MS4A4A: variants seen among roughly 807,000 people sequenced by gnomAD.
The protein encoded by MS4A4A is membrane-spanning 4-domains subfamily A member 4A.
In MS4A4A, 26 loss-of-function variants were observed where a neutral mutation model predicts 28.0. The observed-to-expected ratio is 0.93, with a 90% CI of 0.68 to 1.29. The LOEUF (loss-of-function observed/expected upper bound fraction) is 1.29, where lower values mean the gene tolerates loss of function less well. Ranked by LOEUF, MS4A4A falls within the 50% of genes most tolerant of loss-of-function variation. MS4A4A has a pLI of 0.00. For synonymous variants in MS4A4A, 86 were observed against 100.8 expected (o/e 0.85, Z 0.88); for missense variants, 290 against 293.1 (o/e 0.99, Z 0.08).
In MS4A4A at chr11:60,280,721, G is replaced by A. The variant is rs758576969; in HGVS notation, c.41+5G>A. On this transcript the variant is annotated splice_donor_5th_base_variant and intron_variant, in intron 1 of 6. Transcript: ENST00000337908. ...ACATTGCAGGCCTGAAGAAAGGTAG[G>A]TCCAGGGACTTGCCTTCCTAGGCTT... 4.3e-6 allele frequency: 7 copies of A among 1,613,536 alleles called. No homozygotes were observed. The highest frequency in any genetic ancestry group is 2.2e-5 in the East Asian group (1 of 44,860).
intron 2 of MS4A4A, chr11:60,296,987 T>A: frequency 5.4e-6 from 3 of 553,480 alleles, no homozygotes; most frequent in South Asian, 2.1e-5. Context: ...ACCTTGAAAT[T>A]ATTGGCAATG....
intron 6 of MS4A4A, among the ~76,000 whole-genome samples, chr11:60,307,003 A>G (rs950123208): frequency 6.6e-6 from 1 of 152,146 alleles, no homozygotes; most frequent in Non-Finnish European, 1.5e-5. Flanking sequence ...AAAGCAGGGA[A>G]TGGAAGGAAA....
chr11:60,293,591 C>T (rs2084876313), intron 2 of MS4A4A, among the ~76,000 whole-genome samples: 1 of 152,168 alleles, frequency 6.6e-6, no homozygotes, highest in South Asian at 2.1e-4. Context: ...GGTTTTAACA[C>T]AAGTATAGTG....
At chr11:60,304,716 T>C (rs2084982627) in intron 5 of MS4A4A, among the ~76,000 whole-genome samples, 1 of 152,242 alleles carries the variant, frequency 6.6e-6, no homozygotes, top group Non-Finnish European at 1.5e-5. Context: ...GCTGCTTTCG[T>C]GTTATAACAG....
intron 1 of MS4A4A, among the ~76,000 whole-genome samples, chr11:60,283,867 C>T (rs906731220): frequency 3.9e-5 from 6 of 152,220 alleles, no homozygotes; most frequent in Admixed American, 6.5e-5. Flanking sequence ...CCTACTCCAT[C>T]GCATATAAAT....
intron 2 of MS4A4A, among the ~76,000 whole-genome samples, chr11:60,294,928 T>A (rs1002768341): frequency 6.6e-6 from 1 of 150,680 alleles, no homozygotes; most frequent in East Asian, 1.9e-4. Context: ...TTCTTCTTCT[T>A]CTTCTTCTTC....
chr11:60,303,288 T>C (rs1230990535), intron 5 of MS4A4A, among the ~76,000 whole-genome samples: 2 of 152,226 alleles, frequency 1.3e-5, no homozygotes, highest in Non-Finnish European at 2.9e-5. Flanking sequence ...ATTCTGAAAA[T>C]GCCACCTACA....
intron 6 of MS4A4A, among the ~76,000 whole-genome samples, chr11:60,307,711 G>T (rs575994216): frequency 6.6e-6 from 1 of 152,270 alleles, no homozygotes; most frequent in South Asian, 2.1e-4. Context: ...GGGCCAGTGT[G>T]GTTTTTGCAA....
chr11:60,288,403 A>G (rs923908504), intron 1 of MS4A4A, among the ~76,000 whole-genome samples: 1 of 152,196 alleles, frequency 6.6e-6, no homozygotes. Context: ...CAAGGCATGG[A>G]TGGATGCAGA....
chr11:60,297,988 G>A (rs183565569), intron 3 of MS4A4A, among the ~76,000 whole-genome samples: 1,620 of 151,456 alleles, frequency 0.011, 30 homozygotes, highest in African/African-American at 0.033. Context: ...AAATGAAAAT[G>A]TTATTTGATA....
chr11:60,303,333 T>G (rs956778082), intron 5 of MS4A4A, among the ~76,000 whole-genome samples: 1 of 152,210 alleles, frequency 6.6e-6, no homozygotes, highest in Non-Finnish European at 1.5e-5. Context: ...TCTTGATATT[T>G]TGGGCCATTG....
At chr11:60,292,466 T>C in intron 2 of MS4A4A, 82 bp downstream of exon 2, 1 of 1,381,226 alleles carries the variant, frequency 7.2e-7, no homozygotes, top group East Asian at 2.7e-5. Context: ...ACTGTCCCAC[T>C]AGCCTCATAA....
At chr11:60,299,753 G>A (rs561132890) in intron 3 of MS4A4A, among the ~76,000 whole-genome samples, 9 of 152,204 alleles carry the variant, frequency 5.9e-5, no homozygotes, top group African/African-American at 1.2e-4. Context: ...GTGCCACCAC[G>A]CCCTGCCAAT....
chr11:60,291,208 T>C (rs1249059745), intron 1 of MS4A4A, among the ~76,000 whole-genome samples: 1 of 152,180 alleles, frequency 6.6e-6, no homozygotes. Context: ...TCTCAAAAAA[T>C]GATTTGATGG....
At chr11:60,281,213 G>T (rs2135004862) in intron 1 of MS4A4A, among the ~76,000 whole-genome samples, 1 of 152,220 alleles carries the variant, frequency 6.6e-6, no homozygotes, top group Non-Finnish European at 1.5e-5. Flanking sequence ...ATGGGCTGTG[G>T]CCTGACCTAG....
At chr11:60,286,549 C>T (rs1024714401) in intron 1 of MS4A4A, among the ~76,000 whole-genome samples, 6 of 152,200 alleles carry the variant, frequency 3.9e-5, no homozygotes, top group Admixed American at 1.3e-4. Flanking sequence ...TCCCTCCGTT[C>T]GGGGTCCCTG....
At position 60,292,333 on chromosome 11, in the gene MS4A4A, G is replaced by A. The variant is rs759858298; in HGVS notation, c.150G>A (p.Leu50=). The A allele has an allele frequency of 8.7e-6, 14 of 1,609,784 alleles. No individual in the cohort carries two copies. In the African/African-American group the frequency reaches 1.1e-4, roughly 12 times the overall value. ...ACATGGCTGTCATACATTCACATCTGTGGAAAGGATTGCAAGAGAAGTTCT... is the reference window on the plus strand; with the variant it reads ...ACATGGCTGTCATACATTCACATCTATGGAAAGGATTGCAAGAGAAGTTCT... ...LGNMAVIHSH[L]WKGLQEKFLK... is the part of the protein sequence containing the mutation. Residue 50 remains leucine (L), a synonymous_variant, in exon 2 of 7, where the codon CTG becomes CTA. Transcript: ENST00000337908.
At chr11:60,305,197 G>T (rs1001003542) in intron 5 of MS4A4A, among the ~76,000 whole-genome samples, 1 of 152,242 alleles carries the variant, frequency 6.6e-6, no homozygotes, top group Non-Finnish European at 1.5e-5. Flanking sequence ...TAAAGCCAGT[G>T]CTCTGGGCAG....
chr11:60,292,269 C>G lies in MS4A4A; in HGVS notation c.86C>G (p.Ala29Gly), dbSNP rs764121458. ...ACAACCATGCAAGGAATGGAACAGG[C>G]CATGCCAGGGGCTGGCCCTGGTGTG... is the stretch of plus-strand genomic sequence containing the variant. ...AMTTMQGMEQ[A>G]MPGAGPGVPQ... is the part of the protein sequence containing the mutation. The change falls in exon 2 of 7, where the codon GCC (alanine) becomes GGC (glycine). Residue 29 changes from alanine (A) to glycine (G), a missense_variant. Transcript: ENST00000337908. The G allele has an allele frequency of 4.4e-6, 7 of 1,603,366 alleles. No homozygotes were observed. The highest frequency in any genetic ancestry group is 3.3e-4 in the Middle Eastern group (2 of 6,048).
Sources: gnomAD v4.1 joint callset for allele counts (sites outside exome capture counted in the v4.1 genomes callset) on GRCh38, gnomAD v4.1.1 for gene constraint, MANE v1.5 for transcripts, NCBI Gene and HGNC (gene_info 2026-07-23, HGNC 2026-07-21) for gene names.